The following PCDHA8 variants were observed in gnomAD, a reference collection of about 807,000 sequenced individuals.
PCDHA8 encodes the protein protocadherin alpha-8.
PCDHA8 carries 53 observed loss-of-function variants against 61.8 expected under a neutral mutation model. The ratio of observed to expected loss-of-function variants is 0.86; its 90% CI spans 0.69 to 1.08. The LOEUF (loss-of-function observed/expected upper bound fraction) is 1.08, where lower values mean the gene tolerates loss of function less well. PCDHA8 is among the 50% of genes least tolerant of loss of function. PCDHA8 has a pLI of 0.00. For synonymous variants in PCDHA8, 618 were observed against 556.6 expected (o/e 1.11, Z -1.55); for missense variants, 1,293 against 1,245.0 (o/e 1.04, Z -0.58).
In PCDHA8 at chr5:141,002,220, G is replaced by GC. The variant is rs1319895049; in HGVS notation, c.2543-7407_2543-7406insC. ...AGTCCCCGGCTTTAATCAAAATGAT[G>GC]GGTTTTCTGGAAGCTCTTTATTAAC... On this transcript the variant is annotated intron_variant, in intron 3 of 3. Coordinates refer to ENST00000531613, the MANE Select transcript of PCDHA8 (RefSeq NM_018911.3). Among the ~76,000 whole-genome samples, 33 of 152,196 alleles carry GC rather than the reference G, an allele frequency of 2.2e-4. 1 individual carries two copies. Among genetic ancestry groups the GC allele is most frequent in the Admixed American group, 1.0e-3 (16 of 15,274 alleles).
intron 1 of PCDHA8, chr5:140,864,749 C>T (rs544244056): frequency 6.6e-6 from 1 of 152,178 alleles, no homozygotes; most frequent in East Asian, 1.9e-4. Context: ...ACCGATTATA[C>T]TCATTTTTCT....
intron 1 of PCDHA8, among the ~76,000 whole-genome samples, chr5:140,946,079 G>A (rs2093884371): frequency 6.6e-6 from 1 of 151,926 alleles, no homozygotes; most frequent in African/African-American, 2.4e-5. Context: ...GCAAACCACA[G>A]ATCTGATAAG....
intron 1 of PCDHA8, chr5:140,928,228 C>T: frequency 6.2e-7 from 1 of 1,614,218 alleles, no homozygotes; most frequent in Non-Finnish European, 8.5e-7. Context: ...ACCAAACTTT[C>T]CTCAACCCCA....
intron 1 of PCDHA8, chr5:140,877,772 C>T (rs372461540): frequency 9.3e-6 from 15 of 1,614,150 alleles, no homozygotes; most frequent in Non-Finnish European, 1.2e-5. Context: ...CCGCCCAAGA[C>T]GGACCTCATG....
intron 3 of PCDHA8, among the ~76,000 whole-genome samples, chr5:140,983,261 CT>C (rs1240749572): frequency 7.9e-5 from 12 of 152,158 alleles, no homozygotes; most frequent in Admixed American, 7.9e-4. Context: ...TGTAAAAAAC[CT>C]AATGGCTGGG....
intron 1 of PCDHA8, among the ~76,000 whole-genome samples, chr5:140,941,193 TTCTTTCTTC>T (rs1563183581): frequency 8.6e-6 from 1 of 116,638 alleles, no homozygotes; most frequent in Non-Finnish European, 1.8e-5. Flanking sequence ...TTCTTTTTTT[TTCTTTCTTC>T]CTTTCTTTCT....
intron 1 of PCDHA8, chr5:140,882,584 C>T (rs1554174685): frequency 1.9e-6 from 3 of 1,614,120 alleles, no homozygotes; most frequent in Admixed American, 1.7e-5. Flanking sequence ...CAGCATCCAC[C>T]TGGAGGTGAT....
rs57893927 is a variant in PCDHA8 at position 140,946,631 on chromosome 5, T to TATATAC, written c.2395-32317_2395-32316insTATACA. Among the ~76,000 whole-genome samples, 104 of 131,796 alleles carry TATATAC rather than the reference T, an allele frequency of 7.9e-4. 5 individuals are homozygous for TATATAC. Among genetic ancestry groups the TATATAC allele is most frequent in the Admixed American group, 1.7e-3 (23 of 13,490 alleles). The allele number at this position is 131,796 out of a possible 152,430, so 86.5% of individuals were successfully genotyped here. Reference sequence around the variant, plus strand: ...TGTGAAATATATATATATATATATATACAATGGAATACTCATCAGCCATTA... The same window carrying TATATAC: ...TGTGAAATATATATATATATATATATATATACACAATGGAATACTCATCAGCCATTA... On this transcript the variant is annotated intron_variant, in intron 1 of 3. Transcript: ENST00000531613.
chr5:140,863,307 C>T (rs782595794), intron 1 of PCDHA8: 9 of 1,462,494 alleles, frequency 6.2e-6, no homozygotes, highest in Non-Finnish European at 6.5e-6. Context: ...TCGCCATCTG[C>T]GTGGTGTCCA....
chr5:140,929,528 T>C, intron 1 of PCDHA8: 1 of 693,446 alleles, frequency 1.4e-6, no homozygotes, highest in African/African-American at 1.9e-5. Context: ...TAGTTTATTT[T>C]TGAGAAACAA....
intron 1 of PCDHA8, among the ~76,000 whole-genome samples, chr5:140,901,034 T>C (rs573919271): frequency 6.6e-6 from 1 of 152,240 alleles, no homozygotes; most frequent in Non-Finnish European, 1.5e-5. Context: ...TCAACTCTTT[T>C]GCCCATTTTA....
In PCDHA8 at chr5:140,843,075, T is replaced by C; in HGVS notation, c.1754T>C (p.Val585Ala). The C allele has an allele frequency of 6.3e-7, 1 of 1,595,272 alleles. No homozygotes were observed. The highest frequency in any genetic ancestry group is 8.6e-7 in the Non-Finnish European group (1 of 1,165,264). ...GCGAGCAAGCTGGTGCCGCGGTCTG[T>C]GGGCGCGGGCCACGTGGTAGCGAAG... is the stretch of plus-strand genomic sequence containing the variant. ...GAASKLVPRS[V>A]GAGHVVAKVR... Residue 585 changes from valine (V) to alanine (A), a missense_variant, in exon 1 of 4, where the codon GTG (valine) becomes GCG (alanine). Physicochemically the swap from Val to Ala is moderately conservative, Grantham distance 64 (BLOSUM62 0). Transcript: ENST00000531613.
chr5:140,849,790 C>A (rs2150450402), intron 1 of PCDHA8: 2 of 1,598,236 alleles, frequency 1.3e-6, no homozygotes, highest in Admixed American at 3.4e-5. Context: ...GACGGGGGCT[C>A]GCCTTCACTG....
intron 1 of PCDHA8, chr5:140,870,538 C>T (rs539269989): frequency 6.2e-7 from 1 of 1,614,154 alleles, no homozygotes; most frequent in African/African-American, 1.3e-5. Flanking sequence ...AGTGTCGGCG[C>T]GGGACGCGGA....
At chr5:140,856,589 A>G in intron 1 of PCDHA8, 1 of 1,597,786 alleles carries the variant, frequency 6.3e-7, no homozygotes, top group Non-Finnish European at 8.6e-7. Flanking sequence ...TGTTCTTGAT[A>G]TTATAAACAA....
intron 1 of PCDHA8, among the ~76,000 whole-genome samples, chr5:140,844,226 G>A (rs1049637065): frequency 1.3e-5 from 2 of 149,336 alleles, no homozygotes; most frequent in Non-Finnish European, 3.0e-5. Flanking sequence ...AATATCTTTG[G>A]TGTTTCACTA....
chr5:140,928,033 A>G, intron 1 of PCDHA8: 1 of 1,614,198 alleles, frequency 6.2e-7, no homozygotes, highest in Non-Finnish European at 8.5e-7. Context: ...TGGCATGTCT[A>G]GTGCAGGCCC....
chr5:140,984,140 A>G (rs2097088641), intron 3 of PCDHA8, among the ~76,000 whole-genome samples: 1 of 152,240 alleles, frequency 6.6e-6, no homozygotes, highest in Non-Finnish European at 1.5e-5. Context: ...ATGTGGAGGC[A>G]TCTGGGAAGG....
intron 1 of PCDHA8, chr5:140,856,284 A>C (rs1164216826): frequency 5.6e-6 from 9 of 1,598,362 alleles, no homozygotes; most frequent in Non-Finnish European, 7.7e-6. Context: ...GTAAATCTGC[A>C]GAATGGCATT....
Sources: allele counts gnomAD v4.1 joint callset (sites outside exome capture counted in the v4.1 genomes callset), GRCh38; gene constraint gnomAD v4.1.1; transcripts MANE v1.5; gene names NCBI Gene and HGNC (gene_info 2026-07-23, HGNC 2026-07-21).